BRD4: variants seen among roughly 807,000 people sequenced by gnomAD.
BRD4 encodes bromodomain-containing protein 4.
BRD4 carries 16 observed loss-of-function variants against 142.1 expected under a neutral mutation model. That is an observed-to-expected ratio of 0.11 (90% CI 0.08 to 0.17). The LOEUF is 0.17. Ranked by LOEUF, BRD4 falls within the 10% of genes least tolerant of loss-of-function variation. The pLI is 1.00. For synonymous variants in BRD4, 833 were observed against 707.5 expected (o/e 1.18, Z -2.82); for missense variants, 1,424 against 1,810.9 (o/e 0.79, Z 3.88).
At chr19:15,306,753 A>C (rs547642940) in intron 1 of BRD4, among the ~76,000 whole-genome samples, 61 of 152,294 alleles carry the variant, frequency 4.0e-4, no homozygotes, top group African/African-American at 1.5e-3. Context: ...GTCAGAACAC[A>C]AACATTTATA....
At chr19:15,257,748 C>A (rs974318659) in intron 7 of BRD4, among the ~76,000 whole-genome samples, 1 of 152,164 alleles carries the variant, frequency 6.6e-6, no homozygotes, top group Non-Finnish European at 1.5e-5. Context: ...CAGCACTTAA[C>A]CAAGCAGGGC....
At chr19:15,291,621 A>G (rs1203779965) in intron 1 of BRD4, among the ~76,000 whole-genome samples, 1 of 152,206 alleles carries the variant, frequency 6.6e-6, no homozygotes, top group Non-Finnish European at 1.5e-5. Flanking sequence ...GGAACATCTC[A>G]TTTATGTGCA....
At chr19:15,249,277 T>C (rs757416668) in intron 11 of BRD4, 1 of 1,614,028 alleles carries the variant, frequency 6.2e-7, no homozygotes, top group Admixed American at 1.7e-5. Flanking sequence ...CCGTGTCCAA[T>C]GATTAGGCAG....
chr19:15,304,102 T>C (rs996225375), intron 1 of BRD4, among the ~76,000 whole-genome samples: 19 of 152,194 alleles, frequency 1.2e-4, no homozygotes, highest in African/African-American at 4.1e-4. Flanking sequence ...CCAAAGTCCC[T>C]CTGATCGCTA....
At position 15,239,522 on chromosome 19, in the gene BRD4, C is replaced by T; in HGVS notation, c.3446G>A (p.Arg1149Gln). 3 of 1,611,136 alleles carry T rather than the reference C, an allele frequency of 1.9e-6. No individual in the cohort carries two copies. The highest frequency in any genetic ancestry group is 1.1e-5 in the South Asian group (1 of 90,946). The part of the protein sequence containing the change: ...SIKAPVHLPQ[R>Q]PEMKPVDVGR... The stretch of plus-strand genomic sequence containing the variant: ...GACATCCACAGGCTTCATTTCCGGC[C>T]CTGGAACATAAACAGCCGGTGGGCC... Residue 1149 changes from arginine (R) to glutamine (Q), a missense_variant and splice_region_variant, in exon 17 of 20, where the codon CGG (arginine) becomes CAG (glutamine). Coordinates refer to ENST00000679869, the MANE Select transcript of BRD4 (RefSeq NM_001379291.1). This position sits in a 1 kb window ranked among gnomAD's most constrained non-coding sequence, Gnocchi z 7.4.
chr19:15,312,598 C>G (rs2047981364), intron 1 of BRD4, among the ~76,000 whole-genome samples: 1 of 151,836 alleles, frequency 6.6e-6, no homozygotes, highest in African/African-American at 2.4e-5. Flanking sequence ...CACCATTGCA[C>G]TCCAGCCTGG....
intron 1 of BRD4, among the ~76,000 whole-genome samples, chr19:15,309,624 G>A (rs995208829): frequency 2.3e-4 from 35 of 152,152 alleles, no homozygotes; most frequent in African/African-American, 7.7e-4. Context: ...CACTCACAGA[G>A]GTATTATTCA....
chr19:15,289,556 T>C (rs1238541080), intron 1 of BRD4, among the ~76,000 whole-genome samples: 1 of 148,702 alleles, frequency 6.7e-6, no homozygotes, highest in African/African-American at 2.5e-5. Context: ...CATCTTAAAA[T>C]AAATAAATAA....
At chr19:15,261,679 G>A (rs1041633953) in intron 7 of BRD4, among the ~76,000 whole-genome samples, 2 of 152,138 alleles carry the variant, frequency 1.3e-5, no homozygotes, top group African/African-American at 4.8e-5. Flanking sequence ...CGTGGCTCAT[G>A]CCTGTAATCC....
In BRD4 at chr19:15,253,573, C is replaced by G. The variant is rs767878793; in HGVS notation, c.2158+579G>C. 6 of 1,574,082 alleles carry G rather than the reference C, an allele frequency of 3.8e-6. No individual in the cohort carries two copies. In the African/African-American group the frequency reaches 4.0e-5, roughly 11 times the overall value. On this transcript the variant is annotated intron_variant, in intron 11 of 19. Coordinates refer to ENST00000679869, the MANE Select transcript of BRD4 (RefSeq NM_001379291.1). ...AGGGCAGATTCAGGAGCAGCCAACA[C>G]AGCAACGAGCACACTCTGGGGAGGG...
intron 1 of BRD4, among the ~76,000 whole-genome samples, chr19:15,304,509 T>C (rs2047897091): frequency 6.6e-6 from 1 of 152,188 alleles, no homozygotes; most frequent in African/African-American, 2.4e-5. Flanking sequence ...TGCTATACAT[T>C]TTCCAGGCCG....
intron 11 of BRD4, chr19:15,248,632 A>G: frequency 4.4e-6 from 1 of 227,444 alleles, no homozygotes; most frequent in Non-Finnish European, 8.7e-6. Context: ...ACGAAGGAGG[A>G]AAGACTCCAA....
chr19:15,252,170 G>A (rs960471862), intron 11 of BRD4, among the ~76,000 whole-genome samples: 2 of 152,186 alleles, frequency 1.3e-5, no homozygotes, highest in Non-Finnish European at 2.9e-5. Context: ...CCAAAGCAGA[G>A]GAGCCCAGAA....
At chr19:15,323,546 A>T (rs2048082872) in intron 1 of BRD4, among the ~76,000 whole-genome samples, 1 of 152,202 alleles carries the variant, frequency 6.6e-6, no homozygotes, top group Non-Finnish European at 1.5e-5. Context: ...TACACAAAAC[A>T]AAACTTTGAA....
rs1324954207 is a variant in BRD4 at position 15,257,674 on chromosome 19, G to A, written c.1342-501C>T. On this transcript the variant is annotated intron_variant, in intron 7 of 19. Coordinates refer to ENST00000679869, the MANE Select transcript of BRD4 (RefSeq NM_001379291.1). ...TGCCACAAGCGCACCTCCTCTAGGGGACTAGGCTCTGCTGTAGCAGACACG... is the reference window on the plus strand; with the variant it reads ...TGCCACAAGCGCACCTCCTCTAGGGAACTAGGCTCTGCTGTAGCAGACACG... Among the ~76,000 whole-genome samples the A allele has an allele frequency of 2.6e-5, 4 of 152,302 alleles. No homozygotes were observed. The East Asian group carries it at 7.7e-4, about 29-fold the overall frequency.
At position 15,244,419 on chromosome 19, in the gene BRD4, G is replaced by A. The variant is rs779535265; in HGVS notation, c.2393C>T (p.Pro798Leu). Residue 798 changes from proline (P) to leucine (L), a missense_variant, in exon 13 of 20, where the codon CCA (proline) becomes CTA (leucine). Coordinates refer to ENST00000679869, the MANE Select transcript of BRD4 (RefSeq NM_001379291.1). ...GGGCACCTGGGTGGCAATGAAGGGT[G>A]GGGGCGAGGACTTCATCGCCGGGGC... Reference protein sequence around the residue: ...QAAPAMKSSPPPFIATQVPVL... With the variant: ...QAAPAMKSSPLPFIATQVPVL... The A allele has an allele frequency of 1.3e-6, 2 of 1,593,856 alleles. No individual in the cohort carries two copies.
intron 11 of BRD4, among the ~76,000 whole-genome samples, chr19:15,245,162 C>T (rs560466495): frequency 6.6e-6 from 1 of 152,200 alleles, no homozygotes; most frequent in Non-Finnish European, 1.5e-5. Flanking sequence ...GCAATGGTCA[C>T]ATTCATCTTA....
At chr19:15,279,751 T>C (rs1334847728) in intron 1 of BRD4, among the ~76,000 whole-genome samples, 3 of 152,212 alleles carry the variant, frequency 2.0e-5, no homozygotes, top group Non-Finnish European at 4.4e-5. Flanking sequence ...GTTCCGTCCA[T>C]CACAAGTCAC....
intron 1 of BRD4, among the ~76,000 whole-genome samples, chr19:15,305,117 C>T (rs2047903037): frequency 6.7e-6 from 1 of 149,410 alleles, no homozygotes; most frequent in African/African-American, 2.5e-5. Context: ...CTCCTGGGTT[C>T]AAGCGATTCT....
Sources: allele counts gnomAD v4.1 joint callset (sites outside exome capture counted in the v4.1 genomes callset), GRCh38; gene constraint gnomAD v4.1.1; non-coding constraint Gnocchi (gnomAD v3.1); transcripts MANE v1.5; gene names NCBI Gene and HGNC (gene_info 2026-07-23, HGNC 2026-07-21).